Variants in COL22A1 observed in about 807,000 individuals in gnomAD.
COL22A1 encodes the protein collagen type XXII alpha 1 chain.
COL22A1 carries 221 observed loss-of-function variants against 248.9 expected under a neutral mutation model. The ratio of observed to expected loss-of-function variants is 0.89; its 90% CI spans 0.80 to 0.99. COL22A1 has a LOEUF of 0.99. Among genes scored for constraint, COL22A1 ranks in the 50% least tolerant of loss-of-function variants. The pLI is 0.00. For missense variants in COL22A1, 2,240 were observed against 2,179.0 expected (o/e 1.03, Z -0.56); for synonymous variants, 891 against 793.4 (o/e 1.12, Z -2.07).
chr8:138,833,260 G>T, intron 4 of COL22A1, 110 bp from the exon 5 acceptor site: 1 of 731,620 alleles, frequency 1.4e-6, no homozygotes, highest in Admixed American at 2.0e-5. Context: ...TGCCCCAGGA[G>T]AACAGATCGG....
chr8:138,774,415 CTT>C (rs142280789), intron 16 of COL22A1, among the ~76,000 whole-genome samples: 12 of 128,058 alleles, frequency 9.4e-5, no homozygotes, highest in South Asian at 2.6e-4. Context: ...CAAAAGCATT[CTT>C]TTTTTTTTTT....
chr8:138,830,008 A>T (rs1819912984), intron 5 of COL22A1, among the ~76,000 whole-genome samples: 1 of 152,260 alleles, frequency 6.6e-6, no homozygotes, highest in Non-Finnish European at 1.5e-5. Flanking sequence ...ACCTATATAT[A>T]CATACATATG....
At chr8:138,832,058 A>C (rs145591257) in intron 5 of COL22A1, among the ~76,000 whole-genome samples, 231 of 152,298 alleles carry the variant, frequency 1.5e-3, no homozygotes, top group African/African-American at 5.3e-3. Flanking sequence ...AATGGCCATG[A>C]GAGTGATCTC....
intron 37 of COL22A1, among the ~76,000 whole-genome samples, chr8:138,688,352 C>A (rs1016916561): frequency 1.3e-5 from 2 of 151,994 alleles, no homozygotes; most frequent in African/African-American, 2.4e-5. Context: ...AAAACCCCGT[C>A]TCTGCAAAAA....
At chr8:138,761,880 G>T (rs900812358) in intron 17 of COL22A1, among the ~76,000 whole-genome samples, 2 of 152,136 alleles carry the variant, frequency 1.3e-5, no homozygotes, top group African/African-American at 2.4e-5. Context: ...GACGGTCTTT[G>T]TAAGTCACCA....
intron 21 of COL22A1, among the ~76,000 whole-genome samples, chr8:138,752,065 A>G (rs1175478380): frequency 1.3e-5 from 2 of 152,212 alleles, no homozygotes; most frequent in Non-Finnish European, 1.5e-5. Context: ...ATTCTGCCTC[A>G]TGAGCTCAGG....
intron 57 of COL22A1, 133 bp from the exon 58 acceptor site, chr8:138,606,585 G>A (rs534550167): frequency 2.3e-6 from 2 of 857,782 alleles, no homozygotes; most frequent in South Asian, 3.2e-5. Context: ...CCATGATGGA[G>A]GGGCATGGGT....
intron 12 of COL22A1, among the ~76,000 whole-genome samples, chr8:138,788,568 G>T (rs1778026790): frequency 6.6e-6 from 1 of 152,182 alleles, no homozygotes; most frequent in African/African-American, 2.4e-5. Flanking sequence ...GGTTCTTTAT[G>T]TTGGCCTCCT....
chr8:138,622,480 T>G (rs1394543736), intron 52 of COL22A1, among the ~76,000 whole-genome samples: 1 of 152,252 alleles, frequency 6.6e-6, no homozygotes, highest in African/African-American at 2.4e-5. Flanking sequence ...ATTTTAAATT[T>G]AATTTTATCA....
intron 41 of COL22A1, among the ~76,000 whole-genome samples, chr8:138,674,035 G>A (rs1825284758): frequency 1.3e-5 from 2 of 152,096 alleles, no homozygotes; most frequent in African/African-American, 4.8e-5. Flanking sequence ...CTTCTGCTCA[G>A]TAACATACCC....
intron 3 of COL22A1, among the ~76,000 whole-genome samples, chr8:138,877,086 G>A (rs1424004009): frequency 2.0e-5 from 3 of 152,116 alleles, no homozygotes; most frequent in Admixed American, 6.5e-5. Flanking sequence ...TCAGAGCCCT[G>A]GGGGCCATCA....
At chr8:138,798,806 TGTAA>T (rs1166797341) in intron 11 of COL22A1, among the ~76,000 whole-genome samples, 1 of 152,168 alleles carries the variant, frequency 6.6e-6, no homozygotes, top group East Asian at 1.9e-4. Flanking sequence ...CTATAATGTT[TGTAA>T]GTGTGTATCT....
At chr8:138,721,264 C>T (rs919091650) in intron 26 of COL22A1, among the ~76,000 whole-genome samples, 7 of 152,142 alleles carry the variant, frequency 4.6e-5, no homozygotes, top group East Asian at 1.9e-4. Flanking sequence ...CACATTTTCC[C>T]GTAATATTCA....
At chr8:138,597,229 G>A (rs1258905417) in intron 61 of COL22A1, among the ~76,000 whole-genome samples, 1 of 152,140 alleles carries the variant, frequency 6.6e-6, no homozygotes, top group East Asian at 1.9e-4. Flanking sequence ...TACCCTTCCA[G>A]CGTATTCACT....
At chr8:138,700,766 C>T (rs889824153) in intron 31 of COL22A1, among the ~76,000 whole-genome samples, 1 of 152,112 alleles carries the variant, frequency 6.6e-6, no homozygotes, top group African/African-American at 2.4e-5. Flanking sequence ...GGGCGGATCA[C>T]GAGGTCAGGA....
intron 40 of COL22A1, among the ~76,000 whole-genome samples, chr8:138,678,501 T>C (rs532116612): frequency 6.6e-6 from 1 of 152,166 alleles, no homozygotes; most frequent in Non-Finnish European, 1.5e-5. Flanking sequence ...TATGAATGGT[T>C]CTTGGAAGTT....
At chr8:138,737,742 A>G (rs747641139) in intron 22 of COL22A1, among the ~76,000 whole-genome samples, 165 bp from the exon 23 acceptor site, 11 of 152,086 alleles carry the variant, frequency 7.2e-5, no homozygotes, top group Non-Finnish European at 1.6e-4. Flanking sequence ...GGGATCAGAA[A>G]AAGGACTCAG....
intron 3 of COL22A1, among the ~76,000 whole-genome samples, chr8:138,844,909 G>T (rs1821130263): frequency 6.7e-6 from 1 of 148,782 alleles, no homozygotes; most frequent in African/African-American, 2.5e-5. Context: ...GAGATCACGT[G>T]GCTGCACTCC....
intron 47 of COL22A1, among the ~76,000 whole-genome samples, chr8:138,643,643 T>C (rs201708644): frequency 1.9e-3 from 175 of 91,990 alleles, no homozygotes; most frequent in African/African-American, 7.1e-3. Context: ...GATAGATAGA[T>C]AGATAGACAG....
Sources: gnomAD v4.1 joint callset for allele counts (sites outside exome capture counted in the v4.1 genomes callset) on GRCh38, gnomAD v4.1.1 for gene constraint, MANE v1.5 for transcripts, NCBI Gene and HGNC (gene_info 2026-07-23, HGNC 2026-07-21) for gene names.